Variants in EPB41 observed in about 807,000 individuals in gnomAD.
The protein encoded by EPB41 is protein 4.1.
EPB41 carries 65 observed loss-of-function variants against 108.0 expected under a neutral mutation model. The observed-to-expected ratio is 0.60, with a 90% confidence interval of 0.49 to 0.74. EPB41 has a LOEUF of 0.74. Among genes scored for constraint, EPB41 ranks in the 30% least tolerant of loss-of-function variants. The pLI is 0.00. For synonymous variants in EPB41, 336 were observed against 358.9 expected, an observed-to-expected ratio of 0.94 and a Z score of 0.72; for missense variants, 875 against 1,037.0, an observed-to-expected ratio of 0.84 and a Z score of 2.15.
rs190656562 is a variant in EPB41 at position 28,921,115 on chromosome 1, G to A, written c.-8+6347G>A. On this transcript the variant is annotated intron_variant, in intron 1 of 20. Coordinates refer to ENST00000343067, the MANE Select transcript of EPB41 (RefSeq NM_001376013.1). ...TTAAATTTAAGCCTGTAACCCATAC[G>A]TGTAATAGAAATGTATATTTTTGGT... Among the ~76,000 whole-genome samples the A allele has an allele frequency of 4.4e-3, 663 of 152,264 alleles. 3 individuals carry two copies. The highest frequency in any genetic ancestry group is 7.3e-3 in the Non-Finnish European group (499 of 68,032).
chr1:28,937,424 C>A (rs754082447), intron 1 of EPB41, among the ~76,000 whole-genome samples: 45 of 152,092 alleles, frequency 3.0e-4, no homozygotes, highest in Non-Finnish European at 5.7e-4. Flanking sequence ...GGCAGAGTCT[C>A]GCTCTTGTCG....
chr1:28,925,548 AAGGGTG>A, intron 1 of EPB41, among the ~76,000 whole-genome samples: 1 of 152,258 alleles, frequency 6.6e-6, no homozygotes, highest in African/African-American at 2.4e-5. Flanking sequence ...CATTTTAGAT[AAGGGTG>A]ATACTTCTGA....
intron 1 of EPB41, among the ~76,000 whole-genome samples, chr1:28,954,121 T>C (rs1184446153): frequency 1.3e-5 from 2 of 152,244 alleles, no homozygotes; most frequent in African/African-American, 4.8e-5. Context: ...TGAGAACTGC[T>C]GCTGTAATTA....
At chr1:29,103,998 T>G (rs1666308596) in intron 17 of EPB41, among the ~76,000 whole-genome samples, 1 of 152,136 alleles carries the variant, frequency 6.6e-6, no homozygotes, top group African/African-American at 2.4e-5. Flanking sequence ...TGCTAGACAG[T>G]GGGGTAGAGT....
At chr1:29,027,140 T>C (rs2096729554) in intron 7 of EPB41, among the ~76,000 whole-genome samples, 2 of 151,984 alleles carry the variant, frequency 1.3e-5, no homozygotes, top group African/African-American at 4.8e-5. Context: ...TTTTAAGAAT[T>C]GTAAAGGGAC....
intron 17 of EPB41, among the ~76,000 whole-genome samples, chr1:29,098,874 G>A (rs1407606195): frequency 1.3e-5 from 2 of 151,808 alleles, no homozygotes; most frequent in African/African-American, 4.8e-5. Flanking sequence ...AGCCTCTACA[G>A]TCATGTGCAC....
rs528518096 is a variant in EPB41 at position 28,986,658 on chromosome 1, G to A, written c.-7-773G>A. On this transcript the variant is annotated intron_variant, in intron 1 of 20. Coordinates refer to ENST00000343067, the MANE Select transcript of EPB41 (RefSeq NM_001376013.1). ...AAATGGGATACCTCTGGCCGGGTGC[G>A]GTAGTTCACGCCTGTAATCCCAGCT... 6.6e-5 allele frequency among the ~76,000 whole-genome samples: 10 copies of A among 152,236 alleles called. No individual in the cohort carries two copies. The East Asian group carries it at 1.5e-3, about 24-fold the overall frequency.
chr1:28,892,764 C>T (rs1281713908), intron 1 of EPB41, among the ~76,000 whole-genome samples: 1 of 150,404 alleles, frequency 6.6e-6, no homozygotes, highest in Non-Finnish European at 1.5e-5. Context: ...AAAGGTAGAG[C>T]CATAAATAGT....
chr1:28,915,661 G>C (rs1314473983), intron 1 of EPB41, among the ~76,000 whole-genome samples: 1 of 150,068 alleles, frequency 6.7e-6, no homozygotes, highest in Non-Finnish European at 1.5e-5. Flanking sequence ...AGTCTGTGGA[G>C]ACTTGTTTTT....
At chr1:29,039,163 C>G in intron 10 of EPB41, 91 bp from the exon 11 acceptor site, 1 of 1,408,270 alleles carries the variant, frequency 7.1e-7, no homozygotes, top group Non-Finnish European at 9.7e-7. Context: ...AATTGTGAAA[C>G]TTTTTTATTC....
At chr1:29,108,579 C>CA (rs953088146) in intron 17 of EPB41, among the ~76,000 whole-genome samples, 1 of 151,510 alleles carries the variant, frequency 6.6e-6, no homozygotes, top group Non-Finnish European at 1.5e-5. Context: ...TATTTTTAGA[C>CA]AGAGTCTCAC....
intron 4 of EPB41, among the ~76,000 whole-genome samples, chr1:29,000,924 C>T (rs938072575): frequency 6.6e-5 from 10 of 151,964 alleles, no homozygotes; most frequent in Non-Finnish European, 1.3e-4. Context: ...ACTTCATTAG[C>T]ACATGGCCCA....
intron 2 of EPB41, among the ~76,000 whole-genome samples, chr1:28,990,429 TC>T (rs1169322738): frequency 1.3e-5 from 2 of 149,240 alleles, no homozygotes; most frequent in Non-Finnish European, 3.0e-5. Context: ...TTTCTTTTTT[TC>T]TTTCTTTCTT....
At chr1:29,002,826 A>G (rs1165705274) in intron 4 of EPB41, among the ~76,000 whole-genome samples, 1 of 152,238 alleles carries the variant, frequency 6.6e-6, no homozygotes, top group Admixed American at 6.5e-5. Context: ...AGGTAGGAAT[A>G]AGGAAACCAA....
At chr1:29,058,925 C>A in intron 14 of EPB41, 73 bp downstream of exon 14, 2 of 1,245,230 alleles carry the variant, frequency 1.6e-6, no homozygotes, top group Non-Finnish European at 2.3e-6. Context: ...ATTAAAAAGA[C>A]AGTGATCCAT....
intron 16 of EPB41, among the ~76,000 whole-genome samples, chr1:29,074,564 T>C (rs1653045970): frequency 1.3e-5 from 2 of 152,114 alleles, no homozygotes; most frequent in Admixed American, 6.6e-5. Flanking sequence ...AAGAAACACA[T>C]TGGTGCAGAT....
intron 1 of EPB41, among the ~76,000 whole-genome samples, chr1:28,889,500 G>A (rs572953345): frequency 4.6e-4 from 70 of 152,386 alleles, no homozygotes; most frequent in Non-Finnish European, 7.8e-4. Context: ...CTCCCCAGAC[G>A]AGTGCGGGTA....
rs1558080333 is a variant in EPB41, at chr1:29,030,468, T to G, written c.1193T>G (p.Val398Gly). ...ENAKKLSMYG[V>G]DLHKAKDLEG... ...GCCAAAAAGTTGTCTATGTATGGAGTTGATCTTCATAAAGCAAAGGTAATG... is the reference window on the plus strand; with the variant it reads ...GCCAAAAAGTTGTCTATGTATGGAGGTGATCTTCATAAAGCAAAGGTAATG... The change falls in exon 8 of 21, where the codon GTT (valine) becomes GGT (glycine). Residue 398 changes from valine to glycine, a missense_variant. By Grantham distance (109) the Val-to-Gly change is moderately radical. Transcript: ENST00000343067. 1 of 1,613,748 alleles carries G rather than the reference T, an allele frequency of 6.2e-7. No homozygotes were observed. Among genetic ancestry groups the G allele is most frequent in the Admixed American group, 1.7e-5 (1 of 60,018 alleles).
intron 11 of EPB41, among the ~76,000 whole-genome samples, chr1:29,049,100 TC>T (rs1174030269): frequency 1.3e-5 from 2 of 152,130 alleles, no homozygotes; most frequent in African/African-American, 4.8e-5. Flanking sequence ...AGCATTCCCT[TC>T]CTCTTCTGTT....
Sources: allele counts gnomAD v4.1 joint callset (sites outside exome capture counted in the v4.1 genomes callset), GRCh38; gene constraint gnomAD v4.1.1; transcripts MANE v1.5; gene names NCBI Gene and HGNC (gene_info 2026-07-23, HGNC 2026-07-21).